Variants in TMEM120B observed in about 807,000 individuals in gnomAD.
TMEM120B encodes transmembrane protein 120B.
In TMEM120B, 31 loss-of-function variants were observed where a neutral mutation model predicts 55.5. The ratio of observed to expected loss-of-function variants is 0.56; its 90% CI spans 0.42 to 0.75. The LOEUF is 0.75. TMEM120B is among the 30% of genes least tolerant of loss of function. The pLI is 0.00. For synonymous variants in TMEM120B, 203 were observed against 176.3 expected, an observed-to-expected ratio of 1.15 and a Z score of -1.20; for missense variants, 399 against 425.5, an observed-to-expected ratio of 0.94 and a Z score of 0.55.
chr12:121,769,162 CA>C (rs10590198), intron 6 of TMEM120B, among the ~76,000 whole-genome samples: 5,057 of 138,624 alleles, frequency 0.036, 224 homozygotes, highest in East Asian at 0.14. Context: ...AAAAAAAAGG[CA>C]AAAAAAAAAA....
chr12:121,763,745 C>T (rs1177632113), intron 6 of TMEM120B, among the ~76,000 whole-genome samples: 1 of 152,120 alleles, frequency 6.6e-6, no homozygotes, highest in Non-Finnish European at 1.5e-5. Context: ...GCCCTGCCAA[C>T]GTGCCATTCC....
Position 121,757,061 on chromosome 12 carries a change from C to T in TMEM120B, c.462-4588C>T, listed in dbSNP as rs1873495464. Among the ~76,000 whole-genome samples the T allele has an allele frequency of 2.0e-5, 3 of 151,692 alleles. No individual in the cohort carries two copies. In the South Asian group the frequency reaches 6.2e-4, roughly 32 times the overall value. On this transcript the variant is annotated intron_variant, in intron 5 of 11. Transcript: ENST00000449592. ...AGCGTCCACAGTCTCAGAAGCACAGCTCTGAGGACATCAGAGGTCAACATG... is the reference window on the plus strand; with the variant it reads ...AGCGTCCACAGTCTCAGAAGCACAGTTCTGAGGACATCAGAGGTCAACATG...
Position 121,781,215 on chromosome 12 carries a change from G to T in TMEM120B, c.*5493G>T. 1 of 1,602,832 alleles carries T rather than the reference G, an allele frequency of 6.2e-7. No individual in the cohort carries two copies. The highest frequency in any genetic ancestry group is 8.5e-7 in the Non-Finnish European group (1 of 1,170,074). On this transcript the variant is annotated 3_prime_UTR_variant, in exon 12 of 12. Coordinates refer to ENST00000449592, the MANE Select transcript of TMEM120B (RefSeq NM_001080825.2). Reference sequence around the variant, plus strand: ...GCCCTGAAAGCACAGAGCAGCGGGGGTCAGGGGACGTCCCCTCCCTGTCTG... The same window carrying T: ...GCCCTGAAAGCACAGAGCAGCGGGGTTCAGGGGACGTCCCCTCCCTGTCTG...
rs1874315453 is a variant in TMEM120B, at chr12:121,778,322, G to A, written c.*2600G>A. On this transcript the variant is annotated 3_prime_UTR_variant, in exon 12 of 12. Transcript: ENST00000449592. ...AAAAATTAGCCGGACGTGGTGGTGT[G>A]CGCATGTAGTCCCAGCTACTCAGGA... 1 of 152,048 alleles carries A rather than the reference G, an allele frequency of 6.6e-6. No homozygotes were observed. 9.4% of individuals were successfully genotyped at this position (152,048 alleles called of 1,614,324 possible). A position where few individuals can be genotyped will look rare whatever the true frequency, so the allele number is the denominator to read the frequency against.
At chr12:121,717,680 C>G (rs190594565) in intron 1 of TMEM120B, among the ~76,000 whole-genome samples, 1 of 152,140 alleles carries the variant, frequency 6.6e-6, no homozygotes, top group African/African-American at 2.4e-5. Flanking sequence ...TTATTTGAGA[C>G]GGAGTCTCGC....
At chr12:121,751,296 A>C (rs1592938798) in intron 4 of TMEM120B, among the ~76,000 whole-genome samples, 1 of 53,624 alleles carries the variant, frequency 1.9e-5, no homozygotes. Context: ...CTATACCCAC[A>C]CCCCACACCC....
chr12:121,750,933 C>T, intron 4 of TMEM120B, among the ~76,000 whole-genome samples: 1 of 112,112 alleles, frequency 8.9e-6, no homozygotes, highest in Admixed American at 8.5e-5. Context: ...ACACCTCACC[C>T]CACACCCCAC....
At chr12:121,715,274 A>G (rs563042198) in intron 1 of TMEM120B, among the ~76,000 whole-genome samples, 1 of 152,144 alleles carries the variant, frequency 6.6e-6, no homozygotes, top group Non-Finnish European at 1.5e-5. Context: ...GGGAGGTTGC[A>G]GTGAGACAAG....
At chr12:121,771,665 T>TG in intron 8 of TMEM120B, 116 bp downstream of exon 8, 1 of 1,075,738 alleles carries the variant, frequency 9.3e-7, no homozygotes, top group Admixed American at 1.9e-5. Context: ...GAGACCAGAC[T>TG]GGGGGAGAGG....
At position 121,779,537 on chromosome 12, in the gene TMEM120B, C is replaced by A; in HGVS notation, c.*3815C>A. The A allele has an allele frequency of 2.5e-6, 4 of 1,613,022 alleles. No homozygotes were observed. Among genetic ancestry groups the A allele is most frequent in the Admixed American group, 1.7e-5 (1 of 60,022 alleles). ...AGAGCCGGCGCTTCTTCTGCCGTTGCGCCTTCTTCAGAGCGCTGAGAGCCA... is the reference window on the plus strand; with the variant it reads ...AGAGCCGGCGCTTCTTCTGCCGTTGAGCCTTCTTCAGAGCGCTGAGAGCCA... On this transcript the variant is annotated 3_prime_UTR_variant, in exon 12 of 12. Coordinates refer to ENST00000449592, the MANE Select transcript of TMEM120B (RefSeq NM_001080825.2).
At chr12:121,761,011 C>T (rs1301086620) in intron 5 of TMEM120B, among the ~76,000 whole-genome samples, 2 of 152,154 alleles carry the variant, frequency 1.3e-5, no homozygotes, top group South Asian at 2.1e-4. Flanking sequence ...CAGAGTCTCG[C>T]TCTGTCGCTC....
chr12:121,720,073 C>T (rs534808080), intron 1 of TMEM120B, among the ~76,000 whole-genome samples: 1 of 152,164 alleles, frequency 6.6e-6, no homozygotes, highest in Non-Finnish European at 1.5e-5. Context: ...TCTCCTAGCT[C>T]TTTCACAGCT....
chr12:121,720,152 G>A (rs1304027019), intron 1 of TMEM120B, among the ~76,000 whole-genome samples: 1 of 152,080 alleles, frequency 6.6e-6, no homozygotes, highest in Non-Finnish European at 1.5e-5. Context: ...TCTGAACTCG[G>A]GCAACTTGAT....
chr12:121,712,989 C>T (rs749915758), intron 1 of TMEM120B, 25 bp downstream of exon 1: 9 of 1,518,016 alleles, frequency 5.9e-6, no homozygotes, highest in Non-Finnish European at 7.9e-6. Context: ...CCTGGTCCCG[C>T]AACTCTGCTG....
chr12:121,733,543 A>AT (rs776153472), intron 1 of TMEM120B, among the ~76,000 whole-genome samples: 870 of 81,994 alleles, frequency 0.011, 3 homozygotes, highest in African/African-American at 0.024. Flanking sequence ...CGTGCCTGGT[A>AT]TTTTTTTTTT....
rs28651018 is a variant in TMEM120B at position 121,748,362 on chromosome 12, C to T, written c.225C>T (p.Leu75=). The change falls in exon 3 of 12, where the codon CTC becomes CTT. Residue 75 remains leucine, a synonymous_variant. Coordinates refer to ENST00000449592, the MANE Select transcript of TMEM120B (RefSeq NM_001080825.2). ...KRHASREEAE[L]VQQMAANIKE... Reference sequence around the variant, plus strand: ...ATGCCAGTCGGGAGGAGGCGGAGCTCGTTCAGCAGATGGCAGCGAACATCA... The same window carrying T: ...ATGCCAGTCGGGAGGAGGCGGAGCTTGTTCAGCAGATGGCAGCGAACATCA... 0.53 allele frequency: 845,852 copies of T among 1,609,498 alleles called. 227,005 individuals are homozygous for T. Among genetic ancestry groups the T allele is most frequent in the Middle Eastern group, 0.56 (3,360 of 6,044 alleles).
At chr12:121,730,025 C>A in intron 1 of TMEM120B, among the ~76,000 whole-genome samples, 1 of 152,028 alleles carries the variant, frequency 6.6e-6, no homozygotes, top group Non-Finnish European at 1.5e-5. Context: ...CTTTGGGTGG[C>A]TGAGGTGGGC....
chr12:121,750,735 A>G (rs1269139030), intron 4 of TMEM120B, among the ~76,000 whole-genome samples: 1 of 111,030 alleles, frequency 9.0e-6, no homozygotes, highest in African/African-American at 3.6e-5. Flanking sequence ...CTACACCCAC[A>G]CCCCATACTC....
intron 9 of TMEM120B, among the ~76,000 whole-genome samples, chr12:121,774,312 C>T (rs545575645): frequency 9.2e-5 from 14 of 152,284 alleles, no homozygotes; most frequent in African/African-American, 3.1e-4. Context: ...TAAGTAGGTC[C>T]TCCTGTCTCA....
Sources: allele counts gnomAD v4.1 joint callset (sites outside exome capture counted in the v4.1 genomes callset), GRCh38; gene constraint gnomAD v4.1.1; transcripts MANE v1.5; gene names NCBI Gene and HGNC (gene_info 2026-07-23, HGNC 2026-07-21).